The following ADAM19 variants were observed in gnomAD, a reference collection of about 807,000 sequenced individuals.
ADAM19 encodes disintegrin and metalloproteinase domain-containing protein 19.
In ADAM19, 65 loss-of-function variants were observed where a neutral mutation model predicts 114.7. The ratio of observed to expected loss-of-function variants is 0.57; its 90% CI spans 0.46 to 0.70. The LOEUF (loss-of-function observed/expected upper bound fraction) is 0.70. Ranked by LOEUF, ADAM19 falls within the 30% of genes least tolerant of loss-of-function variation. The pLI is 0.00. For synonymous variants in ADAM19, 466 were observed against 460.5 expected (o/e 1.01, Z -0.15); for missense variants, 1,063 against 1,204.7 (o/e 0.88, Z 1.74).
intron 3 of ADAM19, among the ~76,000 whole-genome samples, chr5:157,539,141 G>A (rs1363273459): frequency 1.4e-5 from 2 of 145,836 alleles, no homozygotes; most frequent in African/African-American, 5.2e-5. Context: ...TGACAAGAGC[G>A]AGACTCTGTC....
chr5:157,481,806 T>C lies in ADAM19; in HGVS notation c.2688A>G (p.Ala896=). Residue 896 remains alanine, a synonymous_variant, in exon 22 of 23, where the codon GCA becomes GCG. Coordinates refer to ENST00000257527, the MANE Select transcript of ADAM19 (RefSeq NM_033274.5). ...GAGPQQSRPL[A]ALAPKFPEYR... is the part of the protein sequence containing the mutation. ...GTGGACTCACCTTTGGGGCAAGTGCTGCCAGAGGCCGGGACTGCTGAGGGC... is the reference window on the plus strand; with the variant it reads ...GTGGACTCACCTTTGGGGCAAGTGCCGCCAGAGGCCGGGACTGCTGAGGGC... 3.2e-6 allele frequency: 5 copies of C among 1,575,422 alleles called. No homozygotes were observed. The highest frequency in any genetic ancestry group is 4.3e-6 in the Non-Finnish European group (5 of 1,159,404).
At chr5:157,507,682 C>T (rs1581311817) in intron 9 of ADAM19, among the ~76,000 whole-genome samples, 1 of 152,304 alleles carries the variant, frequency 6.6e-6, no homozygotes, top group Admixed American at 6.5e-5. Context: ...CAGCTGTGCC[C>T]CATCAGGAGC....
intron 21 of ADAM19, among the ~76,000 whole-genome samples, chr5:157,486,973 G>T (rs1754955344): frequency 6.6e-6 from 1 of 152,128 alleles, no homozygotes; most frequent in South Asian, 2.1e-4. Flanking sequence ...GAAGTGCATA[G>T]GAAAGGCCTC....
chr5:157,564,501 T>C, intron 2 of ADAM19, 58 bp from the exon 3 acceptor site: 1 of 1,476,740 alleles, frequency 6.8e-7, no homozygotes, highest in Non-Finnish European at 9.5e-7. Context: ...GCTCCCTGGG[T>C]CGGGCACAGG....
In ADAM19 at chr5:157,478,007, C is replaced by T; in HGVS notation, c.*2942G>A. On this transcript the variant is annotated 3_prime_UTR_variant, in exon 23 of 23. Coordinates refer to ENST00000257527, the MANE Select transcript of ADAM19 (RefSeq NM_033274.5). ...GCTAGCAGGCAGTTACAAGATTGAG[C>T]CAGGTGCCCAGGCTAAGGCTTCTAG... The T allele has an allele frequency of 3.8e-6, 1 of 261,600 alleles. No individual in the cohort carries two copies. Among genetic ancestry groups the T allele is most frequent in the Non-Finnish European group, 7.8e-6 (1 of 128,454 alleles). 16.2% of individuals were successfully genotyped at this position (261,600 alleles called of 1,614,324 possible).
chr5:157,556,070 C>G (rs905310387), intron 3 of ADAM19, among the ~76,000 whole-genome samples: 1 of 152,168 alleles, frequency 6.6e-6, no homozygotes, highest in Non-Finnish European at 1.5e-5. Flanking sequence ...GAGACGGAGT[C>G]TCGCTCTGTC....
At chr5:157,493,711 C>T (rs1242986932) in intron 15 of ADAM19, among the ~76,000 whole-genome samples, 2 of 152,178 alleles carry the variant, frequency 1.3e-5, no homozygotes, top group African/African-American at 4.8e-5. Context: ...TCACACTGCT[C>T]TCAAGCTAAA....
chr5:157,510,203 G>A (rs1755873455), intron 8 of ADAM19, among the ~76,000 whole-genome samples: 1 of 152,206 alleles, frequency 6.6e-6, no homozygotes, highest in South Asian at 2.1e-4. Context: ...AGCCAAGCGT[G>A]GTGGCTCACA....
intron 8 of ADAM19, 86 bp downstream of exon 8, chr5:157,513,348 C>T: frequency 2.2e-6 from 3 of 1,350,240 alleles, no homozygotes; most frequent in Non-Finnish European, 3.2e-6. Flanking sequence ...ATGGCTGGGG[C>T]AGCCAATCCA....
At chr5:157,512,649 T>C (rs565971193) in intron 8 of ADAM19, among the ~76,000 whole-genome samples, 2 of 152,366 alleles carry the variant, frequency 1.3e-5, no homozygotes, top group South Asian at 4.1e-4. Flanking sequence ...CAGCCCGTTC[T>C]AGTAAAATTC....
Position 157,479,120 on chromosome 5 carries a change from C to G in ADAM19, c.*1829G>C. The G allele has an allele frequency of 1.0e-6, 1 of 985,802 alleles. No homozygotes were observed. Among genetic ancestry groups the G allele is most frequent in the Non-Finnish European group, 1.2e-6 (1 of 829,964 alleles). The allele number at this position is 985,802 out of a possible 1,614,324, so 61.1% of individuals were successfully genotyped here. Reference sequence around the variant, plus strand: ...AATGGATCTCCACAGCAAGGATGACCCACAGCAAGGATGACCCACGGCAAG... The same window carrying G: ...AATGGATCTCCACAGCAAGGATGACGCACAGCAAGGATGACCCACGGCAAG... On this transcript the variant is annotated 3_prime_UTR_variant, in exon 23 of 23. Coordinates refer to ENST00000257527, the MANE Select transcript of ADAM19 (RefSeq NM_033274.5).
At chr5:157,561,646 CT>C (rs1468045242) in intron 3 of ADAM19, among the ~76,000 whole-genome samples, 1 of 152,124 alleles carries the variant, frequency 6.6e-6, no homozygotes, top group Non-Finnish European at 1.5e-5. Context: ...ACTCCATCAC[CT>C]CCTTCAGGTC....
At position 157,479,903 on chromosome 5, in the gene ADAM19, G is replaced by A; in HGVS notation, c.*1046C>T. The A allele has an allele frequency of 1.0e-6, 1 of 985,850 alleles. No individual in the cohort carries two copies. The highest frequency in any genetic ancestry group is 1.2e-6 in the Non-Finnish European group (1 of 830,040). 61.1% of individuals were successfully genotyped at this position (985,850 alleles called of 1,614,324 possible). ...CTCACCTAGATTTAGCTTAGAGTAA[G>A]GAGGAAGACCCCCACCCTGCTGAGG... is the stretch of plus-strand genomic sequence containing the variant. On this transcript the variant is annotated 3_prime_UTR_variant, in exon 23 of 23. Transcript: ENST00000257527.
At chr5:157,565,353 C>G (rs1286403611) in intron 2 of ADAM19, among the ~76,000 whole-genome samples, 2 of 152,184 alleles carry the variant, frequency 1.3e-5, no homozygotes, top group Non-Finnish European at 2.9e-5. Context: ...CTCGCAATCC[C>G]TACCACTGAG....
At chr5:157,560,536 T>C (rs1207671737) in intron 3 of ADAM19, among the ~76,000 whole-genome samples, 5 of 152,218 alleles carry the variant, frequency 3.3e-5, no homozygotes, top group African/African-American at 1.2e-4. Context: ...AACAATGTAA[T>C]ATATACTTTA....
intron 5 of ADAM19, among the ~76,000 whole-genome samples, chr5:157,525,871 C>T (rs1413521004): frequency 1.3e-5 from 2 of 152,080 alleles, no homozygotes; most frequent in Non-Finnish European, 2.9e-5. Flanking sequence ...CCAGGGACCA[C>T]GGTTAAGGTG....
rs1754681441 is a variant in ADAM19, at chr5:157,479,361, T to C, written c.*1588A>G. On this transcript the variant is annotated 3_prime_UTR_variant, in exon 23 of 23. Coordinates refer to ENST00000257527, the MANE Select transcript of ADAM19 (RefSeq NM_033274.5). Reference sequence around the variant, plus strand: ...CAGAAGCTCAGCCTCAGCCTTGCAGTGAGGTTTTCAAGAGCAAACAATTGC... The same window carrying C: ...CAGAAGCTCAGCCTCAGCCTTGCAGCGAGGTTTTCAAGAGCAAACAATTGC... The C allele has an allele frequency of 9.1e-6, 9 of 985,862 alleles. No individual in the cohort carries two copies. In the South Asian group the frequency reaches 3.8e-4, roughly 41 times the overall value. The allele number at this position is 985,862 out of a possible 1,614,324, so 61.1% of individuals were successfully genotyped here.
Position 157,502,824 on chromosome 5 carries a change from C to T in ADAM19, c.1287G>A (p.Glu429=). ...TCACCTCTTCTTCTCCACAGTCACA[C>T]TCTTCCCCATCTTCCAGATACCCGT... ...CGNGYLEDGE[E]CDCGEEEECN... Residue 429 remains glutamate (E), a synonymous_variant, in exon 12 of 23, where the codon GAG becomes GAA. Coordinates refer to ENST00000257527, the MANE Select transcript of ADAM19 (RefSeq NM_033274.5). 1.9e-6 allele frequency: 3 copies of T among 1,614,216 alleles called. No individual in the cohort carries two copies. Among genetic ancestry groups the T allele is most frequent in the South Asian group, 1.1e-5 (1 of 91,084 alleles).
intron 11 of ADAM19, 128 bp downstream of exon 11, chr5:157,505,541 A>T: frequency 9.1e-7 from 1 of 1,096,062 alleles, no homozygotes; most frequent in Non-Finnish European, 1.3e-6. Context: ...TGTTGTAAAA[A>T]CTACATTTTT....
Sources: gnomAD v4.1 joint callset for allele counts (sites outside exome capture counted in the v4.1 genomes callset) on GRCh38, gnomAD v4.1.1 for gene constraint, MANE v1.5 for transcripts, NCBI Gene and HGNC (gene_info 2026-07-23, HGNC 2026-07-21) for gene names.